Variants in THBS3 observed in about 807,000 individuals in gnomAD.
The protein encoded by THBS3 is thrombospondin 3.
In THBS3, 78 loss-of-function variants were observed where a neutral mutation model predicts 118.3. The ratio of observed to expected loss-of-function variants is 0.66; its 90% CI spans 0.55 to 0.80. The LOEUF (loss-of-function observed/expected upper bound fraction) is 0.80. Ranked by LOEUF, THBS3 falls within the 30% of genes least tolerant of loss-of-function variation. THBS3 has a pLI of 0.00. For synonymous variants in THBS3, 427 were observed against 475.3 expected, an observed-to-expected ratio of 0.90 and a Z score of 1.32; for missense variants, 1,057 against 1,247.4, an observed-to-expected ratio of 0.85 and a Z score of 2.30.
chr1:155,204,049 A>G (rs1046894017), intron 4 of THBS3, among the ~76,000 whole-genome samples: 2 of 151,524 alleles, frequency 1.3e-5, no homozygotes, highest in Admixed American at 1.3e-4. Context: ...AGTGTTGGCC[A>G]GGCTGGTCTT....
At chr1:155,208,894 G>A (rs1299446163), upstream of THBS3, 1 of 1,611,632 alleles carries the variant, frequency 6.2e-7, no homozygotes, top group Admixed American at 1.7e-5. Context: ...AGTTTGGCAA[G>A]AGCCCCCAGA....
Position 155,206,390 on chromosome 1 carries a change from A to G in THBS3, c.96T>C (p.Thr32=), listed in dbSNP as rs893253403. ...CTACCATCTGCCGAGACTCGCCCAC[A>G]GTCAGCAGGTCAATTACTGGTCAGG... ...SQDLQVIDLL[T]VGESRQMVAV... The change falls in exon 2 of 23, where the codon ACT becomes ACC. Residue 32 remains threonine (T), a synonymous_variant. Coordinates refer to ENST00000368378, the MANE Select transcript of THBS3 (RefSeq NM_007112.5). This position sits in a 1 kb window ranked among gnomAD's most constrained non-coding sequence, Gnocchi z 4.2. 3 of 1,614,008 alleles carry G rather than the reference A, an allele frequency of 1.9e-6. No individual in the cohort carries two copies. Among genetic ancestry groups the G allele is most frequent in the Admixed American group, 1.7e-5 (1 of 60,002 alleles).
chr1:155,209,078 G>C (rs1323287286), upstream of THBS3: 1 of 1,539,342 alleles, frequency 6.5e-7, no homozygotes, highest in South Asian at 1.2e-5. Context: ...CGAGGCCCGC[G>C]GCCCAGTCCC....
Position 155,197,775 on chromosome 1 carries a change from T to C in THBS3, c.2302+105A>G. 1 of 1,593,530 alleles carries C rather than the reference T, an allele frequency of 6.3e-7. No homozygotes were observed. The highest frequency in any genetic ancestry group is 1.1e-5 in the South Asian group (1 of 90,556). On this transcript the variant is annotated intron_variant, in intron 19 of 22. Coordinates refer to ENST00000368378, the MANE Select transcript of THBS3 (RefSeq NM_007112.5). This position sits in a 1 kb window ranked among gnomAD's most constrained non-coding sequence, Gnocchi z 5.0. ...GTGGCCAGCTTGTGCCACTGCCTTC[T>C]CTCTCGCCACTTTGCCCATTCTCCC...
upstream of THBS3, among the ~76,000 whole-genome samples, chr1:155,208,159 T>G (rs369732726): frequency 1.3e-5 from 2 of 151,612 alleles, no homozygotes; most frequent in African/African-American, 4.9e-5. Flanking sequence ...TTGTTGGGGG[T>G]CTCGGCACAC....
Position 155,202,177 on chromosome 1 carries a change from T to C in THBS3, c.1098+84A>G. ...TGCAAAGCCATCCATGTCCCATTCA[T>C]CACAAGGGTCCCATGTCCAACCCAG... On this transcript the variant is annotated intron_variant, in intron 9 of 22. Transcript: ENST00000368378. The surrounding 1 kb of genome is among the most constrained non-coding windows in gnomAD (Gnocchi z 5.5). 6.3e-7 allele frequency: 1 copy of C among 1,593,936 alleles called. No individual in the cohort carries two copies. The highest frequency in any genetic ancestry group is 1.1e-5 in the South Asian group (1 of 88,044).
chr1:155,206,036 T>A lies in THBS3; in HGVS notation c.286+164A>T, dbSNP rs966147023. Among the ~76,000 whole-genome samples, 37 of 152,202 alleles carry A rather than the reference T, an allele frequency of 2.4e-4. No homozygotes were observed. Among genetic ancestry groups the A allele is most frequent in the African/African-American group, 8.9e-4 (37 of 41,454 alleles). ...TTGGTACATGGGCTCCTAAAGCACC[T>A]TATAAGCACCCCATACCAGGTGCCC... On this transcript the variant is annotated intron_variant, in intron 2 of 22. Transcript: ENST00000368378. The surrounding 1 kb of genome is among the most constrained non-coding windows in gnomAD (Gnocchi z 4.2).
chr1:155,197,336 A>G lies in THBS3; in HGVS notation c.2500-123T>C. The stretch of plus-strand genomic sequence containing the variant: ...TCATGAAAATGCCCTGGGGCCCCAG[A>G]GAGCCGGCCTCCAAGCCAGATGTCT... On this transcript the variant is annotated intron_variant, in intron 20 of 22. Transcript: ENST00000368378. This position sits in a 1 kb window ranked among gnomAD's most constrained non-coding sequence, Gnocchi z 5.0. 6.6e-7 allele frequency: 1 copy of G among 1,523,486 alleles called. No homozygotes were observed. Among genetic ancestry groups the G allele is most frequent in the Non-Finnish European group, 8.9e-7 (1 of 1,121,444 alleles). The allele number at this position is 1,523,486 out of a possible 1,614,324, so 94.4% of individuals were successfully genotyped here. A position where few individuals can be genotyped will look rare whatever the true frequency, so the allele number is the denominator to read the frequency against.
At chr1:155,198,682 G>A in intron 16 of THBS3, 80 bp from the exon 17 acceptor site, 1 of 1,446,538 alleles carries the variant, frequency 6.9e-7, no homozygotes. Context: ...GGGAGTCTCT[G>A]GAGCCTGCTC....
At chr1:155,200,840 A>G (rs2147959486) in intron 13 of THBS3, 57 bp downstream of exon 13, 3 of 1,613,402 alleles carry the variant, frequency 1.9e-6, no homozygotes, top group Non-Finnish European at 8.5e-7. Flanking sequence ...AGTGAGGCAC[A>G]GAGAGGACAG....
chr1:155,203,346 C>G, intron 5 of THBS3, 41 bp from the exon 6 acceptor site: 2 of 1,608,824 alleles, frequency 1.2e-6, no homozygotes, highest in Non-Finnish European at 1.7e-6. Flanking sequence ...TACTGGAGCA[C>G]CAGTCCTGGG....
rs139408803 is a variant in THBS3 at position 155,197,547 on chromosome 1, G to C, written c.2415C>G (p.Tyr805Ter). The stretch of plus-strand genomic sequence containing the variant: ...GCTCGGTCTGCTTCCACATGACTAC[G>C]TAGAAGCGGCCACTGTCTTGATAAC... ...LFSYQDSGRF[Y>*]VVMWKQTEQT... The change falls in exon 20 of 23, where the codon TAC (tyrosine) becomes TAG (stop). Residue 805 changes from tyrosine (Y) to a stop codon, truncating the protein, a stop_gained. Coordinates refer to ENST00000368378, the MANE Select transcript of THBS3 (RefSeq NM_007112.5). LOFTEE classifies it high-confidence loss of function. This position sits in a 1 kb window ranked among gnomAD's most constrained non-coding sequence, Gnocchi z 5.0. 6.2e-7 allele frequency: 1 copy of C among 1,613,724 alleles called. No individual in the cohort carries two copies. Among genetic ancestry groups the C allele is most frequent in the Non-Finnish European group, 8.5e-7 (1 of 1,179,900 alleles).
At chr1:155,207,735 C>G in intron 1 of THBS3, 63 bp downstream of exon 1, 28 of 1,564,572 alleles carry the variant, frequency 1.8e-5, no homozygotes, top group Non-Finnish European at 2.5e-5. Context: ...TTCTCTGCTA[C>G]TTGGGCTGAG....
In THBS3 at chr1:155,206,488, A is replaced by C; in HGVS notation, c.80-82T>G. On this transcript the variant is annotated intron_variant, in intron 1 of 22. Coordinates refer to ENST00000368378, the MANE Select transcript of THBS3 (RefSeq NM_007112.5). This position sits in a 1 kb window ranked among gnomAD's most constrained non-coding sequence, Gnocchi z 4.2. ...CTCCCCCGAGCCCACATCACCCCCT[A>C]CCCCCACCACCAGGCAGCGTTAGTC... 1 of 1,207,982 alleles carries C rather than the reference A, an allele frequency of 8.3e-7. No individual in the cohort carries two copies. The highest frequency in any genetic ancestry group is 2.0e-5 in the Admixed American group (1 of 50,310). The allele number at this position is 1,207,982 out of a possible 1,614,324, so 74.8% of individuals were successfully genotyped here.
chr1:155,195,684 G>A lies in THBS3; in HGVS notation c.*157C>T. ...TTGAAAACTTCTCATCCCCTGAAGG[G>A]TGGGGTGACCACCCCTCTGGGACTG... On this transcript the variant is annotated 3_prime_UTR_variant, in exon 23 of 23. Transcript: ENST00000368378. The A allele has an allele frequency of 1.4e-6, 1 of 733,830 alleles. No homozygotes were observed. The highest frequency in any genetic ancestry group is 2.3e-6 in the Non-Finnish European group (1 of 437,226). The allele number at this position is 733,830 out of a possible 1,614,324, so 45.5% of individuals were successfully genotyped here. A position where few individuals can be genotyped will look rare whatever the true frequency, so the allele number is the denominator to read the frequency against.
chr1:155,208,424 C>G (rs1323826806), upstream of THBS3, among the ~76,000 whole-genome samples: 2 of 152,134 alleles, frequency 1.3e-5, no homozygotes, highest in Non-Finnish European at 2.9e-5. Context: ...TTCCCTCATT[C>G]GTAGGAAAGC....
intron 16 of THBS3, 119 bp downstream of exon 16, chr1:155,199,685 A>T: frequency 1.0e-6 from 1 of 982,066 alleles, no homozygotes; most frequent in Non-Finnish European, 1.5e-6. Flanking sequence ...ACCCTGGGAG[A>T]CGGAGGTTGC....
Position 155,202,045 on chromosome 1 carries a change from A to G in THBS3, c.1099-11T>C. On this transcript the variant is annotated splice_polypyrimidine_tract_variant and intron_variant, in intron 9 of 22. Transcript: ENST00000368378. This position sits in a 1 kb window ranked among gnomAD's most constrained non-coding sequence, Gnocchi z 5.5. ...GATGTCATTGCAGACCTGAAGGGGC[A>G]GACTTTGGGTGGAACCAGACCTATG... 6.2e-7 allele frequency: 1 copy of G among 1,614,104 alleles called. No individual in the cohort carries two copies. The highest frequency in any genetic ancestry group is 8.5e-7 in the Non-Finnish European group (1 of 1,180,010).
In THBS3 at chr1:155,205,052, C is replaced by A; in HGVS notation, c.543+8G>T. On this transcript the variant is annotated splice_region_variant and intron_variant, in intron 3 of 22. Coordinates refer to ENST00000368378, the MANE Select transcript of THBS3 (RefSeq NM_007112.5). ...TTCCACAGAACTCAGAGGCTCCTCC[C>A]GGCTCACCTGCATCCTCAAATACGC... The A allele has an allele frequency of 1.2e-6, 2 of 1,612,834 alleles. No homozygotes were observed. The highest frequency in any genetic ancestry group is 1.7e-6 in the Non-Finnish European group (2 of 1,179,176).
Sources: allele counts gnomAD v4.1 joint callset (sites outside exome capture counted in the v4.1 genomes callset), GRCh38; gene constraint gnomAD v4.1.1; non-coding constraint Gnocchi (gnomAD v3.1); transcripts MANE v1.5; gene names NCBI Gene and HGNC (gene_info 2026-07-23, HGNC 2026-07-21).